BAALC: variants seen among roughly 807,000 people sequenced by gnomAD.
BAALC encodes the protein brain and acute leukemia cytoplasmic protein.
A neutral mutation model predicts 15.5 loss-of-function variants in BAALC; 9 were observed. The ratio of observed to expected loss-of-function variants is 0.58; its 90% CI spans 0.35 to 1.02. The LOEUF is 1.02. BAALC is among the 50% of genes least tolerant of loss of function. The pLI, the probability that BAALC is intolerant of heterozygous loss-of-function variation, is 0.02. For synonymous variants in BAALC, 80 were observed against 74.6 expected (o/e 1.07, Z -0.37); for missense variants, 201 against 192.4 (o/e 1.04, Z -0.27).
At chr8:103,192,501 C>T (rs1359796156) in intron 1 of BAALC, among the ~76,000 whole-genome samples, 1 of 152,168 alleles carries the variant, frequency 6.6e-6, no homozygotes, top group Non-Finnish European at 1.5e-5. Context: ...ATTAATTCAC[C>T]ATTGTTTTGC....
intron 2 of BAALC, among the ~76,000 whole-genome samples, chr8:103,224,939 A>T (rs760735652): frequency 5.9e-5 from 9 of 152,232 alleles, no homozygotes; most frequent in Non-Finnish European, 1.2e-4. Flanking sequence ...GAGTTGGGCA[A>T]GATTAAAAAA....
At chr8:103,152,677 T>A (rs1468087297) in intron 1 of BAALC, among the ~76,000 whole-genome samples, 1 of 152,206 alleles carries the variant, frequency 6.6e-6, no homozygotes, top group Admixed American at 6.5e-5. Context: ...TTTGTACCAG[T>A]TAGGGATTGC....
At chr8:103,200,797 A>G (rs1162166406) in intron 1 of BAALC, 2 of 672,166 alleles carry the variant, frequency 3.0e-6, no homozygotes, top group South Asian at 3.2e-5. Context: ...CTCTTTTATA[A>G]GGGCACCAAT....
chr8:103,184,770 C>T (rs1460073322), intron 1 of BAALC, among the ~76,000 whole-genome samples: 1 of 152,182 alleles, frequency 6.6e-6, no homozygotes, highest in Non-Finnish European at 1.5e-5. Context: ...AGCGTGGCAA[C>T]CAGATGTGGT....
At chr8:103,160,116 G>A (rs1335645397) in intron 1 of BAALC, among the ~76,000 whole-genome samples, 1 of 152,130 alleles carries the variant, frequency 6.6e-6, no homozygotes, top group Non-Finnish European at 1.5e-5. Context: ...ATTGTTAACA[G>A]TGGAGGGTGT....
At chr8:103,148,176 G>T (rs956552010) in intron 1 of BAALC, among the ~76,000 whole-genome samples, 6 of 152,110 alleles carry the variant, frequency 3.9e-5, no homozygotes, top group African/African-American at 1.4e-4. Flanking sequence ...AGAATGACTG[G>T]TGTCCTTATG....
chr8:103,169,673 G>A (rs1049418762), intron 1 of BAALC, among the ~76,000 whole-genome samples: 2 of 152,206 alleles, frequency 1.3e-5, no homozygotes, highest in African/African-American at 4.8e-5. Context: ...GAGGGCACAT[G>A]CCTGACTGAG....
At chr8:103,168,989 G>C (rs932590347) in intron 1 of BAALC, among the ~76,000 whole-genome samples, 1 of 152,026 alleles carries the variant, frequency 6.6e-6, no homozygotes, top group Non-Finnish European at 1.5e-5. Context: ...AAGTCATTCT[G>C]ATTCTCAATC....
At chr8:103,185,456 T>C (rs1262839869) in intron 1 of BAALC, among the ~76,000 whole-genome samples, 1 of 152,244 alleles carries the variant, frequency 6.6e-6, no homozygotes, top group Non-Finnish European at 1.5e-5. Flanking sequence ...GCATTCTCTT[T>C]CTATTCTAAT....
intron 1 of BAALC, among the ~76,000 whole-genome samples, chr8:103,162,140 T>G (rs1811240582): frequency 6.6e-6 from 1 of 151,802 alleles, no homozygotes; most frequent in African/African-American, 2.4e-5. Context: ...AAACATTTTT[T>G]TCATAGAGAT....
intron 1 of BAALC, among the ~76,000 whole-genome samples, chr8:103,204,782 G>T (rs929679949): frequency 1.3e-5 from 2 of 152,160 alleles, no homozygotes; most frequent in African/African-American, 4.8e-5. Context: ...CATGCAAAAG[G>T]TCACATATTA....
chr8:103,150,403 G>A (rs1450137943), intron 1 of BAALC, among the ~76,000 whole-genome samples: 1 of 151,070 alleles, frequency 6.6e-6, no homozygotes, highest in Non-Finnish European at 1.5e-5. Context: ...GTGTGTGCAG[G>A]GACCAGCTTT....
At chr8:103,176,029 C>T (rs906550488) in intron 1 of BAALC, among the ~76,000 whole-genome samples, 1 of 152,160 alleles carries the variant, frequency 6.6e-6, no homozygotes, top group African/African-American at 2.4e-5. Context: ...TACTCTAAAA[C>T]CCTTTTTTGA....
At chr8:103,144,831 A>T (rs574632202) in intron 1 of BAALC, among the ~76,000 whole-genome samples, 2 of 152,356 alleles carry the variant, frequency 1.3e-5, no homozygotes, top group East Asian at 3.9e-4. Context: ...AATGGACAGC[A>T]TTTAATATCA....
chr8:103,198,129 C>G (rs1223709710), intron 1 of BAALC: 3 of 701,918 alleles, frequency 4.3e-6, no homozygotes, highest in Non-Finnish European at 7.8e-6. Context: ...CATCTGACTG[C>G]CCTACAGAAA....
intron 1 of BAALC, among the ~76,000 whole-genome samples, chr8:103,159,441 T>G (rs1408278493): frequency 6.6e-6 from 1 of 152,222 alleles, no homozygotes; most frequent in African/African-American, 2.4e-5. Context: ...CTTTTTGGCT[T>G]TCCTGAAAAG....
In BAALC at chr8:103,212,916, C is replaced by A; in HGVS notation, c.161-3C>A. On this transcript the variant is annotated splice_polypyrimidine_tract_variant and splice_region_variant and intron_variant, in intron 1 of 2. Coordinates refer to ENST00000309982, the MANE Select transcript of BAALC (RefSeq NM_024812.3). ...GGTTCCATCCTCTGCTTACCTCCCC[C>A]AGGCATGCTGGAAGATGGACTGCCC... The A allele has an allele frequency of 6.2e-7, 1 of 1,611,956 alleles. No individual in the cohort carries two copies. Among genetic ancestry groups the A allele is most frequent in the Non-Finnish European group, 8.5e-7 (1 of 1,178,530 alleles).
At chr8:103,206,834 A>G (rs1812343548) in intron 1 of BAALC, among the ~76,000 whole-genome samples, 1 of 152,160 alleles carries the variant, frequency 6.6e-6, no homozygotes, top group East Asian at 1.9e-4. Context: ...TGGTTTCAGG[A>G]TTAGTCTAGC....
At chr8:103,178,100 A>T (rs1811644832) in intron 1 of BAALC, among the ~76,000 whole-genome samples, 1 of 152,206 alleles carries the variant, frequency 6.6e-6, no homozygotes, top group African/African-American at 2.4e-5. Context: ...TAGTTTCATT[A>T]AAAAGCAGAG....
Sources: gnomAD v4.1 joint callset for allele counts (sites outside exome capture counted in the v4.1 genomes callset) on GRCh38, gnomAD v4.1.1 for gene constraint, MANE v1.5 for transcripts, NCBI Gene and HGNC (gene_info 2026-07-23, HGNC 2026-07-21) for gene names.